The following DCLRE1C variants were observed in gnomAD, a reference collection of about 807,000 sequenced individuals.
DCLRE1C encodes the protein DNA cross-link repair 1C, also known as protein artemis.
A neutral mutation model predicts 61.4 loss-of-function variants in DCLRE1C; 47 were observed. The observed-to-expected ratio is 0.77, with a 90% CI of 0.61 to 0.98. The LOEUF (loss-of-function observed/expected upper bound fraction) is 0.98. Among genes scored for constraint, DCLRE1C ranks in the 50% least tolerant of loss-of-function variants. The pLI is 0.00. For synonymous variants in DCLRE1C, 337 were observed against 287.6 expected, an observed-to-expected ratio of 1.17 and a Z score of -1.74; for missense variants, 858 against 816.0, an observed-to-expected ratio of 1.05 and a Z score of -0.63.
chr10:14,948,881 AG>A (rs1033210728), intron 2 of DCLRE1C, among the ~76,000 whole-genome samples, 154 bp downstream of exon 2: 2 of 151,966 alleles, frequency 1.3e-5, no homozygotes, highest in Non-Finnish European at 2.9e-5. Flanking sequence ...GGGAGGTAAG[AG>A]GGGTCTGGGA....
chr10:14,953,858 G>GC, intron 1 of DCLRE1C, 44 bp downstream of exon 1: 1 of 1,610,994 alleles, frequency 6.2e-7, no homozygotes, highest in South Asian at 1.1e-5. Flanking sequence ...CCTCTCTCCA[G>GC]CCCCCAGCGC....
chr10:14,951,965 A>T (rs912755888), intron 1 of DCLRE1C, among the ~76,000 whole-genome samples: 2 of 152,222 alleles, frequency 1.3e-5, no homozygotes, highest in African/African-American at 4.8e-5. Flanking sequence ...CTCCAAAAGC[A>T]GAAGTTGTGT....
chr10:14,929,060 G>A (rs1838521954), intron 9 of DCLRE1C, among the ~76,000 whole-genome samples: 1 of 152,146 alleles, frequency 6.6e-6, no homozygotes, highest in South Asian at 2.1e-4. Flanking sequence ...AATTACAGGC[G>A]AGAGCCACTG....
intron 13 of DCLRE1C, among the ~76,000 whole-genome samples, 197 bp from the exon 14 acceptor site, chr10:14,909,527 G>A (rs1834892858): frequency 6.6e-6 from 1 of 151,836 alleles, no homozygotes; most frequent in African/African-American, 2.4e-5. Flanking sequence ...CAGAGTATCA[G>A]TGGAGAATAT....
chr10:14,924,105 C>T (rs1262201758), intron 11 of DCLRE1C, among the ~76,000 whole-genome samples: 1 of 152,210 alleles, frequency 6.6e-6, no homozygotes. Context: ...ACATCAAGTA[C>T]GAAGCAGAGA....
At chr10:14,922,873 C>A (rs547850705) in intron 12 of DCLRE1C, 108 bp downstream of exon 12, 9 of 854,958 alleles carry the variant, frequency 1.1e-5, no homozygotes, top group Non-Finnish European at 1.4e-5. Context: ...AGAAATGTCC[C>A]AAAACAAACA....
At position 14,922,987 on chromosome 10, in the gene DCLRE1C, A is replaced by T. The variant is rs752942378; in HGVS notation, c.1055T>A (p.Val352Asp). ...IPVGTTMDKV[V>D]EILKPLCRSS... is the part of the protein sequence containing the mutation. The stretch of plus-strand genomic sequence containing the variant: ...ACAACCAGTGACTACTCACATTTCG[A>T]CAACTTTATCCATAGTTGTGCCAAC... Residue 352 changes from valine to aspartate, a missense_variant, in exon 12 of 14, where the codon GTC becomes GAC. By Grantham distance (152) the Val-to-Asp change is radical. This residue lies in a region of DCLRE1C where 843 missense variants were observed against 783.5 expected (regional missense o/e 1.08). Transcript: ENST00000378278. 1 of 1,613,740 alleles carries T rather than the reference A, an allele frequency of 6.2e-7. No individual in the cohort carries two copies. The highest frequency in any genetic ancestry group is 1.3e-5 in the African/African-American group (1 of 75,062).
chr10:14,911,173 A>G (rs1300799030), intron 13 of DCLRE1C: 1 of 152,342 alleles, frequency 6.6e-6, no homozygotes, highest in Non-Finnish European at 1.5e-5. Flanking sequence ...AAAGGAAAGA[A>G]AGTGCCCAGA....
chr10:14,919,690 G>T, intron 13 of DCLRE1C, 48 bp downstream of exon 13: 2 of 1,419,278 alleles, frequency 1.4e-6, no homozygotes, highest in Non-Finnish European at 1.0e-6. Context: ...CTGGAAAGCA[G>T]TGTTTGCAGG....
intron 11 of DCLRE1C, among the ~76,000 whole-genome samples, chr10:14,925,606 C>T (rs1166850159): frequency 2.6e-5 from 4 of 152,154 alleles, no homozygotes; most frequent in Non-Finnish European, 4.4e-5. Flanking sequence ...ATTTAATAGA[C>T]ACTTTGATCC....
At chr10:14,910,056 C>T (rs1275076618) in intron 13 of DCLRE1C, among the ~76,000 whole-genome samples, 1 of 152,198 alleles carries the variant, frequency 6.6e-6, no homozygotes, top group Non-Finnish European at 1.5e-5. Flanking sequence ...CTGTGTATGG[C>T]AACTTCTTGT....
chr10:14,935,637 G>A, intron 5 of DCLRE1C, 73 bp from the exon 6 acceptor site: 1 of 1,386,108 alleles, frequency 7.2e-7, no homozygotes, highest in Non-Finnish European at 1.0e-6. Flanking sequence ...CATGTGAGCT[G>A]CATACTAAAT....
Position 14,908,688 on chromosome 10 carries a change from T to G in DCLRE1C, c.1799A>C (p.Asp600Ala), listed in dbSNP as rs771797724. The G allele has an allele frequency of 3.7e-6, 6 of 1,614,100 alleles. No homozygotes were observed. The Admixed American group carries it at 1.0e-4, about 27-fold the overall frequency. ...LMEQNVICPK[D>A]TYSDLKSRDK... ...TCTGCTTTTCAAATCAGAGTAAGTA[T>G]CCTTTGGGCAAATTACATTTTGTTC... Residue 600 changes from aspartate (D) to alanine (A), a missense_variant, in exon 14 of 14, where the codon GAT (aspartate) becomes GCT (alanine). Transcript: ENST00000378278.
chr10:14,930,334 C>T (rs1332723701), intron 9 of DCLRE1C, among the ~76,000 whole-genome samples: 4 of 141,416 alleles, frequency 2.8e-5, no homozygotes, highest in East Asian at 4.2e-4. Flanking sequence ...GGTTTCACCA[C>T]GTTACCCAGG....
At chr10:14,927,581 G>A (rs1402085318) in intron 10 of DCLRE1C, among the ~76,000 whole-genome samples, 19 of 116,004 alleles carry the variant, frequency 1.6e-4, no homozygotes, top group African/African-American at 5.9e-4. Context: ...AGTGGGGGGG[G>A]AGAAAGGAGA....
rs1161071930 is a variant in DCLRE1C, at chr10:14,907,421, A to G, written c.*987T>C. On this transcript the variant is annotated 3_prime_UTR_variant, in exon 14 of 14. Coordinates refer to ENST00000378278, the MANE Select transcript of DCLRE1C (RefSeq NM_001033855.3). ...GGGGTGGTGTGTTCTATAAATGTCA[A>G]TTTAATCCAGTCGGCTTATGATTTT... Among the ~76,000 whole-genome samples the G allele has an allele frequency of 6.6e-6, 1 of 151,740 alleles. No individual in the cohort carries two copies.
At chr10:14,928,273 A>AAT (rs200299509) in intron 9 of DCLRE1C, 121 bp from the exon 10 acceptor site, 2 of 886,722 alleles carry the variant, frequency 2.3e-6, no homozygotes, top group African/African-American at 3.4e-5. Context: ...AATAAAAAAA[A>AAT]AGCAGCAAAA....
At chr10:14,936,101 C>T (rs1839861100) in intron 5 of DCLRE1C, among the ~76,000 whole-genome samples, 1 of 152,006 alleles carries the variant, frequency 6.6e-6, no homozygotes, top group Non-Finnish European at 1.5e-5. Flanking sequence ...ACCATGTTGG[C>T]CAGGCTGGTC....
At chr10:14,902,590 C>A (rs958053993), downstream of DCLRE1C, 3 of 876,072 alleles carry the variant, frequency 3.4e-6, no homozygotes, top group African/African-American at 3.4e-5. Context: ...ATATTTGGGA[C>A]TCTTATTATC....
Sources: gnomAD v4.1 joint callset for allele counts (sites outside exome capture counted in the v4.1 genomes callset) on GRCh38, gnomAD v4.1.1 for gene constraint, gnomAD v4.1.1 regional missense constraint, MANE v1.5 for transcripts, NCBI Gene and HGNC (gene_info 2026-07-23, HGNC 2026-07-21) for gene names.